The following MACROD1 variants were observed in gnomAD, a reference collection of about 807,000 sequenced individuals.
MACROD1 encodes the protein mono-ADP ribosylhydrolase 1, also known as ADP-ribose glycohydrolase MACROD1.
MACROD1 carries 31 observed loss-of-function variants against 41.4 expected under a neutral mutation model. The ratio of observed to expected loss-of-function variants is 0.75; its 90% confidence interval spans 0.56 to 1.01. MACROD1 has a LOEUF of 1.01. MACROD1 is among the 50% of genes least tolerant of loss of function. The probability of loss-of-function intolerance (pLI) is 0.00; values close to 1 mark genes in which losing one functional copy is unlikely to be tolerated. For missense variants in MACROD1, 473 were observed against 460.0 expected (o/e 1.03, Z -0.26); for synonymous variants, 252 against 203.4 (o/e 1.24, Z -2.03).
intron 3 of MACROD1, chr11:64,104,130 A>T (rs1192171201): frequency 6.6e-6 from 1 of 152,248 alleles, no homozygotes; most frequent in African/African-American, 2.4e-5. Flanking sequence ...GGGCCTCCGG[A>T]CCAGTGACCC....
chr11:64,073,404 C>T (rs1332855499), intron 3 of MACROD1, among the ~76,000 whole-genome samples: 1 of 152,236 alleles, frequency 6.6e-6, no homozygotes, highest in Non-Finnish European at 1.5e-5. Context: ...TGTCTTTGAA[C>T]CCCACTTGCA....
intron 3 of MACROD1, among the ~76,000 whole-genome samples, chr11:64,107,498 C>A (rs144460078): frequency 3.9e-5 from 6 of 152,318 alleles, no homozygotes; most frequent in African/African-American, 1.4e-4. Flanking sequence ...GCCACCCAGC[C>A]GGCCTATGTG....
chr11:64,148,957 G>T, intron 3 of MACROD1: 1 of 985,284 alleles, frequency 1.0e-6, no homozygotes, highest in Non-Finnish European at 1.2e-6. Context: ...GCTCTGTGTG[G>T]GAAGCCCGTG....
At chr11:64,025,854 G>A (rs1943217765) in intron 3 of MACROD1, among the ~76,000 whole-genome samples, 1 of 151,900 alleles carries the variant, frequency 6.6e-6, no homozygotes, top group African/African-American at 2.4e-5. Flanking sequence ...CAAGTAGCTA[G>A]GACTACAGGC....
At position 64,165,896 on chromosome 11, in the gene MACROD1, A is replaced by C. The variant is rs2134746362; in HGVS notation, c.99T>G (p.Gly33=). 7.2e-7 allele frequency: 1 copy of C among 1,383,054 alleles called. No individual in the cohort carries two copies. Among genetic ancestry groups the C allele is most frequent in the South Asian group, 1.7e-5 (1 of 59,028 alleles). The allele number at this position is 1,383,054 out of a possible 1,614,324, so 85.7% of individuals were successfully genotyped here. Residue 33 remains glycine (G), a synonymous_variant, in exon 1 of 11, where the codon GGT becomes GGG. Transcript: ENST00000255681. ...ACGTGCTGCTGCGGGTCCTCGTGGC[A>C]CCCGCCAAGTGTCCGGGCCGGGGGC... is the stretch of plus-strand genomic sequence containing the variant. ...PPRPRPGHLA[G]ATRTRSSTCG...
chr11:64,130,287 G>A (rs2701535), intron 3 of MACROD1, among the ~76,000 whole-genome samples: 145,765 of 152,284 alleles, frequency 0.96, 70,078 homozygotes, highest in Middle Eastern at 1. Context: ...ATCTGACTCC[G>A]TCTGTTTTGT....
At chr11:64,001,663 C>T (rs1164899821) in intron 4 of MACROD1, 20 of 701,242 alleles carry the variant, frequency 2.9e-5, no homozygotes, top group Middle Eastern at 2.3e-4. Flanking sequence ...GTTAGGGGAA[C>T]GCTGAGAACG....
At chr11:64,158,254 C>A (rs537258210) in intron 1 of MACROD1, among the ~76,000 whole-genome samples, 1 of 152,054 alleles carries the variant, frequency 6.6e-6, no homozygotes, top group Non-Finnish European at 1.5e-5. Flanking sequence ...GGCCCCAGCA[C>A]GTGAGACAAG....
intron 3 of MACROD1, chr11:64,118,424 A>G: frequency 8.4e-7 from 1 of 1,191,364 alleles, no homozygotes; most frequent in Non-Finnish European, 1.1e-6. Flanking sequence ...CGCAGAAAGC[A>G]AAGTTTGGGG....
intron 3 of MACROD1, among the ~76,000 whole-genome samples, chr11:64,083,388 A>T (rs1285210105): frequency 1.3e-5 from 2 of 152,178 alleles, no homozygotes; most frequent in Non-Finnish European, 2.9e-5. Flanking sequence ...ATGAGCTGAG[A>T]TTGCACCACT....
intron 3 of MACROD1, among the ~76,000 whole-genome samples, chr11:64,097,506 G>A (rs1944597844): frequency 6.6e-6 from 1 of 152,242 alleles, no homozygotes; most frequent in Admixed American, 6.5e-5. Flanking sequence ...CTTGAGGGTG[G>A]GCGCTGGCAA....
chr11:64,050,713 G>A lies in MACROD1; in HGVS notation c.518-35432C>T, dbSNP rs535412114. On this transcript the variant is annotated intron_variant, in intron 3 of 10. Coordinates refer to ENST00000255681, the MANE Select transcript of MACROD1 (RefSeq NM_014067.4). ...GGCTCACTGCAACCTCTGCTTCCCG[G>A]GTTCAAGCGATTCTCCTGCCTCAGC... Among the ~76,000 whole-genome samples, 24 of 152,324 alleles carry A rather than the reference G, an allele frequency of 1.6e-4. 1 individual carries two copies. Among genetic ancestry groups the A allele is most frequent in the Admixed American group, 1.4e-3 (21 of 15,306 alleles).
intron 3 of MACROD1, among the ~76,000 whole-genome samples, chr11:64,132,201 G>C (rs544786987): frequency 1.8e-4 from 28 of 152,204 alleles, no homozygotes; most frequent in African/African-American, 6.3e-4. Flanking sequence ...CCAAGCTCTC[G>C]AGCCCTTTCT....
intron 3 of MACROD1, among the ~76,000 whole-genome samples, chr11:64,134,920 C>T (rs1206572841): frequency 1.3e-5 from 2 of 152,200 alleles, no homozygotes; most frequent in African/African-American, 4.8e-5. Context: ...CAGAGTCTCC[C>T]TCCAGGGTCC....
chr11:64,009,835 G>T (rs759967420), intron 4 of MACROD1, among the ~76,000 whole-genome samples: 1 of 152,228 alleles, frequency 6.6e-6, no homozygotes, highest in Admixed American at 6.5e-5. Flanking sequence ...CACATTTGCC[G>T]TAAAAACAGT....
At chr11:64,072,142 G>A (rs1253380730) in intron 3 of MACROD1, among the ~76,000 whole-genome samples, 1 of 152,248 alleles carries the variant, frequency 6.6e-6, no homozygotes, top group Non-Finnish European at 1.5e-5. Context: ...GCCAGGGGTG[G>A]GAGTGAGTGG....
At chr11:64,163,853 G>A (rs2845589) in intron 1 of MACROD1, among the ~76,000 whole-genome samples, 146,510 of 152,314 alleles carry the variant, frequency 0.96, 70,722 homozygotes, top group Middle Eastern at 1. Context: ...TCTCACCCCC[G>A]AAAGCGTCCC....
intron 3 of MACROD1, among the ~76,000 whole-genome samples, chr11:64,024,766 T>C (rs929406518): frequency 6.6e-6 from 1 of 152,090 alleles, no homozygotes. Flanking sequence ...AGGACGGCCA[T>C]GGACCCCTCA....
intron 3 of MACROD1, among the ~76,000 whole-genome samples, chr11:64,033,993 G>A (rs1444980712): frequency 2.6e-5 from 4 of 152,180 alleles, no homozygotes; most frequent in African/African-American, 9.7e-5. Context: ...ATATCTAAGT[G>A]TGACATGTCA....
Sources: allele counts gnomAD v4.1 joint callset (sites outside exome capture counted in the v4.1 genomes callset), GRCh38; gene constraint gnomAD v4.1.1; transcripts MANE v1.5; gene names NCBI Gene and HGNC (gene_info 2026-07-23, HGNC 2026-07-21).